GRIK4: variants seen among roughly 807,000 people sequenced by gnomAD.
GRIK4 encodes glutamate ionotropic receptor kainate type subunit 4.
In GRIK4, 40 loss-of-function variants were observed where a neutral mutation model predicts 104.9. That is an observed-to-expected ratio of 0.38 (90% CI 0.30 to 0.50). The LOEUF (loss-of-function observed/expected upper bound fraction) is 0.50. Among genes scored for constraint, GRIK4 ranks in the 20% least tolerant of loss-of-function variants. The pLI is 0.93. For synonymous variants in GRIK4, 485 were observed against 524.9 expected, an observed-to-expected ratio of 0.92 and a Z score of 1.04; for missense variants, 1,047 against 1,308.1, an observed-to-expected ratio of 0.80 and a Z score of 3.08.
chr11:120,837,932 C>A (rs1565383821), intron 8 of GRIK4, among the ~76,000 whole-genome samples: 2 of 152,238 alleles, frequency 1.3e-5, no homozygotes, highest in South Asian at 4.2e-4. Context: ...GCCAGAGAGG[C>A]TCCCTAAATT....
At chr11:120,970,411 C>T (rs577312536) in intron 19 of GRIK4, among the ~76,000 whole-genome samples, 97 of 152,238 alleles carry the variant, frequency 6.4e-4, no homozygotes, top group African/African-American at 1.7e-3. Flanking sequence ...CTTACTAGTC[C>T]GGGATTTCCT....
chr11:120,542,645 T>C (rs1948049073), intron 1 of GRIK4, among the ~76,000 whole-genome samples: 1 of 152,222 alleles, frequency 6.6e-6, no homozygotes, highest in Non-Finnish European at 1.5e-5. Flanking sequence ...GCAGAGGATC[T>C]GAATAGACAT....
chr11:120,605,725 C>T (rs1948951657), intron 1 of GRIK4, among the ~76,000 whole-genome samples: 1 of 152,246 alleles, frequency 6.6e-6, no homozygotes, highest in African/African-American at 2.4e-5. Flanking sequence ...AAACCCCCTG[C>T]CCTTCAGCCA....
chr11:120,610,407 C>T (rs1949020221), intron 1 of GRIK4, among the ~76,000 whole-genome samples: 2 of 152,234 alleles, frequency 1.3e-5, no homozygotes, highest in South Asian at 4.1e-4. Context: ...GTGTGCAGCA[C>T]TCCTGGATGC....
rs183512964 is a variant in GRIK4, at chr11:120,543,143, C to T, written c.-159+31256C>T. On this transcript the variant is annotated intron_variant, in intron 1 of 20. Transcript: ENST00000527524. ...TATGGGGTGGGAGGAGGGATAGGAG[C>T]GGAAAAAACTATTGAGTACTAGGCT... Among the ~76,000 whole-genome samples the T allele has an allele frequency of 2.5e-3, 375 of 152,042 alleles. 3 individuals are homozygous for T. The highest frequency in any genetic ancestry group is 0.022 in the South Asian group (107 of 4,812).
chr11:120,523,833 C>T (rs1441456201), intron 1 of GRIK4, among the ~76,000 whole-genome samples: 1 of 151,488 alleles, frequency 6.6e-6, no homozygotes, highest in Non-Finnish European at 1.5e-5. Context: ...GGTCAGGCCA[C>T]CCTTGGATGC....
chr11:120,538,682 A>C (rs1399973130), intron 1 of GRIK4, among the ~76,000 whole-genome samples: 1 of 152,122 alleles, frequency 6.6e-6, no homozygotes, highest in Non-Finnish European at 1.5e-5. Flanking sequence ...TGAGATCTTG[A>C]AACTGGCAGC....
intron 1 of GRIK4, among the ~76,000 whole-genome samples, chr11:120,527,114 C>T (rs1249681821): frequency 6.6e-6 from 1 of 152,258 alleles, no homozygotes; most frequent in African/African-American, 2.4e-5. Context: ...CCAGAGCCAG[C>T]ACCCAGTCCT....
chr11:120,871,515 C>T (rs1424827610), intron 9 of GRIK4: 1 of 430,650 alleles, frequency 2.3e-6, no homozygotes. Flanking sequence ...CCTAGCTCAG[C>T]AAGACTGCAG....
At chr11:120,626,660 C>T (rs1949263430) in intron 1 of GRIK4, among the ~76,000 whole-genome samples, 2 of 152,146 alleles carry the variant, frequency 1.3e-5, no homozygotes, top group Non-Finnish European at 2.9e-5. Flanking sequence ...CATCCCGGAG[C>T]TCATTGCATC....
chr11:120,559,157 C>T (rs997369825), intron 1 of GRIK4, among the ~76,000 whole-genome samples: 1 of 152,178 alleles, frequency 6.6e-6, no homozygotes, highest in Non-Finnish European at 1.5e-5. Context: ...ATAGCAAAGG[C>T]CTGCTGAGGC....
intron 1 of GRIK4, chr11:120,619,816 T>G: frequency 5.9e-6 from 1 of 169,636 alleles, no homozygotes; most frequent in Non-Finnish European, 1.3e-5. Flanking sequence ...CTGTACAGCC[T>G]GCAGAACTGT....
intron 11 of GRIK4, among the ~76,000 whole-genome samples, chr11:120,882,021 C>A (rs1954981287): frequency 6.6e-6 from 1 of 152,156 alleles, no homozygotes. Context: ...CAACAGAAAA[C>A]CATCAAAGCG....
At chr11:120,904,562 CT>C (rs1396279140) in intron 12 of GRIK4, among the ~76,000 whole-genome samples, 4 of 152,242 alleles carry the variant, frequency 2.6e-5, no homozygotes, top group Admixed American at 6.5e-5. Flanking sequence ...TGCTTCCCCC[CT>C]ATACCTTGTG....
In GRIK4 at chr11:120,952,992, T is replaced by G. The variant is rs756765065; in HGVS notation, c.1700+28T>G. The stretch of plus-strand genomic sequence containing the variant: ...ACTCTCCTCTTCCCTTCCCTGTCCT[T>G]ACACCGCCACCTCGTGTCCACCTCT... On this transcript the variant is annotated intron_variant, in intron 15 of 20. Transcript: ENST00000527524. This position sits in a 1 kb window ranked among gnomAD's most constrained non-coding sequence, Gnocchi z 5.2. 1.5e-6 allele frequency: 2 copies of G among 1,360,832 alleles called. No homozygotes were observed. Among genetic ancestry groups the G allele is most frequent in the Non-Finnish European group, 2.1e-6 (2 of 962,438 alleles). 84.3% of individuals were successfully genotyped at this position (1,360,832 alleles called of 1,614,324 possible).
At chr11:120,904,135 C>T (rs1388353813) in intron 12 of GRIK4, among the ~76,000 whole-genome samples, 1 of 152,176 alleles carries the variant, frequency 6.6e-6, no homozygotes, top group African/African-American at 2.4e-5. Context: ...TTGACGGTCT[C>T]ACATATTCCC....
At chr11:120,624,195 C>T (rs1284222525) in intron 1 of GRIK4, among the ~76,000 whole-genome samples, 1 of 152,178 alleles carries the variant, frequency 6.6e-6, no homozygotes, top group Non-Finnish European at 1.5e-5. Context: ...CTAAACATCT[C>T]ATCACACTAC....
At chr11:120,550,517 G>A (rs1297211033) in intron 1 of GRIK4, among the ~76,000 whole-genome samples, 1 of 152,084 alleles carries the variant, frequency 6.6e-6, no homozygotes, top group Admixed American at 6.6e-5. Context: ...GAAAGGAAGA[G>A]GCAATGTAGG....
intron 13 of GRIK4, among the ~76,000 whole-genome samples, chr11:120,923,634 C>T (rs556696279): frequency 4.4e-4 from 67 of 152,070 alleles, no homozygotes; most frequent in Non-Finnish European, 8.1e-4. Flanking sequence ...AGGATGGTCT[C>T]GATCTCCTGA....
Sources: gnomAD v4.1 joint callset for allele counts (sites outside exome capture counted in the v4.1 genomes callset) on GRCh38, gnomAD v4.1.1 for gene constraint, Gnocchi (gnomAD v3.1) non-coding constraint, MANE v1.5 for transcripts, NCBI Gene and HGNC (gene_info 2026-07-23, HGNC 2026-07-21) for gene names.